The following PRDX3 variants were observed in gnomAD, a reference collection of about 807,000 sequenced individuals.
PRDX3 encodes the protein thioredoxin-dependent peroxide reductase, mitochondrial.
A neutral mutation model predicts 30.4 loss-of-function variants in PRDX3; 20 were observed. The observed-to-expected ratio is 0.66, with a 90% confidence interval of 0.46 to 0.96. The LOEUF (loss-of-function observed/expected upper bound fraction) is 0.96. Ranked by LOEUF, PRDX3 falls within the 40% of genes least tolerant of loss-of-function variation. PRDX3 has a pLI of 0.00. For synonymous variants in PRDX3, 124 were observed against 117.8 expected, an observed-to-expected ratio of 1.05 and a Z score of -0.34; for missense variants, 322 against 318.3, an observed-to-expected ratio of 1.01 and a Z score of -0.09.
chr10:119,169,063 A>G (rs1847838489), intron 6 of PRDX3, 114 bp downstream of exon 6: 1 of 1,112,852 alleles, frequency 9.0e-7, no homozygotes, highest in African/African-American at 1.6e-5. Context: ...ACCCATTTGC[A>G]TATCATCTGC....
intron 5 of PRDX3, chr10:119,170,437 T>A (rs1036053100): frequency 4.6e-5 from 7 of 152,084 alleles, no homozygotes. Context: ...TTCTCTCTCT[T>A]GTTAATCTCA....
intron 5 of PRDX3, among the ~76,000 whole-genome samples, chr10:119,171,695 CA>C (rs1564837060): frequency 6.6e-6 from 1 of 152,186 alleles, no homozygotes; most frequent in Non-Finnish European, 1.5e-5. Flanking sequence ...TCCTCACACC[CA>C]CCTGTGACGT....
At chr10:119,175,507 G>A (rs1042817640) in intron 2 of PRDX3, among the ~76,000 whole-genome samples, 3 of 151,710 alleles carry the variant, frequency 2.0e-5, no homozygotes, top group African/African-American at 4.8e-5. Context: ...GCCATTCTCC[G>A]GCCTCAGCCT....
At chr10:119,174,950 A>G (rs1403606967) in intron 2 of PRDX3, among the ~76,000 whole-genome samples, 5 of 152,204 alleles carry the variant, frequency 3.3e-5, no homozygotes, top group Non-Finnish European at 5.9e-5. Context: ...ACAAGAAAAA[A>G]AGACTTTGTG....
At position 119,169,247 on chromosome 10, in the gene PRDX3, A is replaced by T. The variant is rs764430621; in HGVS notation, c.647T>A (p.Val216Glu). Residue 216 changes from valine to glutamate, a missense_variant, in exon 6 of 7, where the codon GTG becomes GAG. Coordinates refer to ENST00000298510, the MANE Select transcript of PRDX3 (RefSeq NM_006793.5). ...GRSVEETLRLVKAFQYVETHG... is the reference protein window; with the variant it reads ...GRSVEETLRLEKAFQYVETHG... ...TGTTTCTACATACTGGAACGCCTTCACCAAGCGGAGGGTTTCTTCCACGCT... is the reference window on the plus strand; with the variant it reads ...TGTTTCTACATACTGGAACGCCTTCTCCAAGCGGAGGGTTTCTTCCACGCT... 6.2e-7 allele frequency: 1 copy of T among 1,613,664 alleles called. No homozygotes were observed. Among genetic ancestry groups the T allele is most frequent in the Non-Finnish European group, 8.5e-7 (1 of 1,180,012 alleles).
chr10:119,177,058 CAAT>C lies in PRDX3; in HGVS notation c.129_131del (p.Leu44del). On this transcript the variant is annotated inframe_deletion, in exon 2 of 7. Coordinates refer to ENST00000298510, the MANE Select transcript of PRDX3 (RefSeq NM_006793.5). ...ATTTTGCTTGACTGGAACCAGAACA[CAAT>C]AAATTTGTCAAGCTCGTTCTTCCAC... 2 of 1,614,114 alleles carry C rather than the reference CAAT, an allele frequency of 1.2e-6. No homozygotes were observed. The highest frequency in any genetic ancestry group is 1.7e-6 in the Non-Finnish European group (2 of 1,179,968).
chr10:119,168,463 A>C lies in PRDX3; in HGVS notation c.*17T>G. ...GTTCTTCTCTCAGTTGAGAAGGTGC[A>C]GATACACATGGGTGATCTACTGATT... On this transcript the variant is annotated 3_prime_UTR_variant, in exon 7 of 7. Coordinates refer to ENST00000298510, the MANE Select transcript of PRDX3 (RefSeq NM_006793.5). 3 of 1,613,292 alleles carry C rather than the reference A, an allele frequency of 1.9e-6. No individual in the cohort carries two copies. The highest frequency in any genetic ancestry group is 2.5e-6 in the Non-Finnish European group (3 of 1,179,910).
In PRDX3 at chr10:119,177,226, C is replaced by T. The variant is rs923557201; in HGVS notation, c.37-73G>A. 24 of 1,529,496 alleles carry T rather than the reference C, an allele frequency of 1.6e-5. No individual in the cohort carries two copies. The African/African-American group carries it at 1.7e-4, about 11-fold the overall frequency. The allele number at this position is 1,529,496 out of a possible 1,614,324, so 94.7% of individuals were successfully genotyped here. A position where few individuals can be genotyped will look rare whatever the true frequency, so the allele number is the denominator to read the frequency against. On this transcript the variant is annotated intron_variant, in intron 1 of 6. Transcript: ENST00000298510. Reference sequence around the variant, plus strand: ...GAAGGCTGAAAGGGCATCGTGCCAACGGTGGTTTCAGCTGTCCCTGTTCCT... The same window carrying T: ...GAAGGCTGAAAGGGCATCGTGCCAATGGTGGTTTCAGCTGTCCCTGTTCCT...
intron 3 of PRDX3, 117 bp from the exon 4 acceptor site, chr10:119,173,989 T>C: frequency 1.0e-6 from 1 of 978,106 alleles, no homozygotes; most frequent in Non-Finnish European, 1.5e-6. Flanking sequence ...TGGTTTACCA[T>C]CCTCACTGGA....
chr10:119,175,475 A>G (rs1419316656), intron 2 of PRDX3, among the ~76,000 whole-genome samples: 1 of 152,194 alleles, frequency 6.6e-6, no homozygotes, highest in Non-Finnish European at 1.5e-5. Flanking sequence ...AGCTCACTGC[A>G]AGCTCTGCCT....
At chr10:119,176,118 G>A (rs1848019921) in intron 2 of PRDX3, among the ~76,000 whole-genome samples, 1 of 152,036 alleles carries the variant, frequency 6.6e-6, no homozygotes, top group Admixed American at 6.6e-5. Context: ...TTGAGGGGAG[G>A]TATGGGGCAG....
At chr10:119,169,602 T>C in intron 5 of PRDX3, 1 of 338,096 alleles carries the variant, frequency 3.0e-6, no homozygotes, top group Non-Finnish European at 5.6e-6. Flanking sequence ...CATAGTGCCC[T>C]GAATGTTACA....
chr10:119,178,330 G>A (rs1158759382), intron 1 of PRDX3, among the ~76,000 whole-genome samples: 1 of 152,224 alleles, frequency 6.6e-6, no homozygotes, highest in Non-Finnish European at 1.5e-5. Flanking sequence ...AAGCCTTTGT[G>A]AGTTTTTTAG....
intron 6 of PRDX3, 85 bp from the exon 7 acceptor site, chr10:119,168,618 A>T: frequency 1.3e-6 from 2 of 1,563,378 alleles, no homozygotes; most frequent in East Asian, 2.3e-5. Context: ...CCAATTTTTA[A>T]CCTAAAGTTC....
At chr10:119,169,129 G>A (rs368543358) in intron 6 of PRDX3, 48 bp downstream of exon 6, 36 of 1,592,294 alleles carry the variant, frequency 2.3e-5, no homozygotes, top group African/African-American at 2.2e-4. Flanking sequence ...AATAGCTCTC[G>A]AGGCTGAGAG....
rs34132718 is a variant in PRDX3 at position 119,178,798 on chromosome 10, G to A, written c.-8C>T. The stretch of plus-strand genomic sequence containing the variant: ...TCCTACAGCAGCCGCCATCTTCAGT[G>A]CACTCGGGCGCCACGGGGCGGGCAG... On this transcript the variant is annotated 5_prime_UTR_variant, in exon 1 of 7. Coordinates refer to ENST00000298510, the MANE Select transcript of PRDX3 (RefSeq NM_006793.5). The A allele has an allele frequency of 2.2e-3, 3,407 of 1,552,082 alleles. 73 individuals are homozygous for A. In the African/African-American group the frequency reaches 0.041, roughly 19 times the overall value.
Position 119,173,857 on chromosome 10 carries a change from A to G in PRDX3, c.327T>C (p.Pro109=). The change falls in exon 4 of 7, where the codon CCT becomes CCC. Residue 109 remains proline (P), a synonymous_variant. Coordinates refer to ENST00000298510, the MANE Select transcript of PRDX3 (RefSeq NM_006793.5). ...TGTCACTAAAAGCAACAATTTCTGT[A>G]GGACACACAAAGGTGCTGGAAAAAA... The part of the protein sequence containing the change: ...FYPLDFTFVC[P]TEIVAFSDKA... 6.2e-7 allele frequency: 1 copy of G among 1,609,202 alleles called. No individual in the cohort carries two copies. Among genetic ancestry groups the G allele is most frequent in the African/African-American group, 1.3e-5 (1 of 74,994 alleles).
intron 4 of PRDX3, 101 bp downstream of exon 4, chr10:119,173,636 C>T (rs1847961989): frequency 7.4e-7 from 1 of 1,349,158 alleles, no homozygotes; most frequent in Non-Finnish European, 1.0e-6. Context: ...AAAAACCCAA[C>T]CCTTGCGTAA....
chr10:119,168,645 T>TAAC, intron 6 of PRDX3, 112 bp from the exon 7 acceptor site: 1 of 1,506,834 alleles, frequency 6.6e-7, no homozygotes, highest in Non-Finnish European at 8.8e-7. Flanking sequence ...CTTTTAAAGA[T>TAAC]TTCCTTTAAA....
Sources: gnomAD v4.1 joint callset for allele counts (sites outside exome capture counted in the v4.1 genomes callset) on GRCh38, gnomAD v4.1.1 for gene constraint, MANE v1.5 for transcripts, NCBI Gene and HGNC (gene_info 2026-07-23, HGNC 2026-07-21) for gene names.